The following DNAJC15 variants were observed in gnomAD, a reference collection of about 807,000 sequenced individuals.
DNAJC15 encodes the protein dnaJ homolog subfamily C member 15.
A neutral mutation model predicts 22.4 loss-of-function variants in DNAJC15; 27 were observed. That is an observed-to-expected ratio of 1.20 (90% CI 0.89 to 1.66). The LOEUF is 1.66. Among genes scored for constraint, DNAJC15 ranks in the 40% most tolerant of loss-of-function variants. The pLI is 0.00. For missense variants in DNAJC15, 208 were observed against 187.1 expected, an observed-to-expected ratio of 1.11 and a Z score of -0.65; for synonymous variants, 79 against 63.2, an observed-to-expected ratio of 1.25 and a Z score of -1.19.
At chr13:43,048,229 C>T (rs574774852) in intron 1 of DNAJC15, among the ~76,000 whole-genome samples, 25 of 151,922 alleles carry the variant, frequency 1.6e-4, no homozygotes, top group African/African-American at 5.8e-4. Context: ...CCTATTATCC[C>T]AGCACTTTGG....
intron 1 of DNAJC15, among the ~76,000 whole-genome samples, chr13:43,036,064 T>C (rs1341789786): frequency 6.6e-6 from 1 of 152,188 alleles, no homozygotes; most frequent in East Asian, 1.9e-4. Context: ...AAAAATTGGA[T>C]TCTAAAAGTC....
rs141204091 is a variant in DNAJC15, at chr13:43,032,225, G to C, written c.108+8491G>C. Among the ~76,000 whole-genome samples, 290 of 152,246 alleles carry C rather than the reference G, an allele frequency of 1.9e-3. 2 individuals are homozygous for C. Among genetic ancestry groups the C allele is most frequent in the African/African-American group, 6.7e-3 (279 of 41,532 alleles). On this transcript the variant is annotated intron_variant, in intron 1 of 5. Transcript: ENST00000379221. ...CATCCCATTGGTCTGACTCTACTGG[G>C]ACCAGCTGACACAAGAGCCTGTAGG...
intron 1 of DNAJC15, among the ~76,000 whole-genome samples, chr13:43,034,802 G>C (rs900197593): frequency 3.3e-5 from 5 of 152,024 alleles, no homozygotes; most frequent in African/African-American, 4.8e-5. Context: ...ACGTTGTGGG[G>C]GTTTTTTTGA....
chr13:43,087,037 T>C (rs887973859), intron 5 of DNAJC15, among the ~76,000 whole-genome samples: 7 of 152,230 alleles, frequency 4.6e-5, no homozygotes, highest in African/African-American at 1.7e-4. Flanking sequence ...AGTTTTATTA[T>C]TTGCAAAATG....
rs747458154 is a variant in DNAJC15 at position 43,112,512 on chromosome 13, A to G, written c.*5264A>G. On this transcript the variant is annotated 3_prime_UTR_variant, in exon 6 of 6. Transcript: ENST00000379221. ...ATGACAGGATAAAAATCACATAGAGATATTGGTTCAATATGGACATCTAAA... is the reference window on the plus strand; with the variant it reads ...ATGACAGGATAAAAATCACATAGAGGTATTGGTTCAATATGGACATCTAAA... 5 of 152,218 alleles carry G rather than the reference A, an allele frequency of 3.3e-5. No homozygotes were observed. Among genetic ancestry groups the G allele is most frequent in the Non-Finnish European group, 7.3e-5 (5 of 68,032 alleles). 9.4% of individuals were successfully genotyped at this position (152,218 alleles called of 1,614,324 possible).
chr13:43,089,238 ATTAT>A (rs1378251508), intron 5 of DNAJC15, among the ~76,000 whole-genome samples: 4 of 152,230 alleles, frequency 2.6e-5, no homozygotes, highest in Admixed American at 1.3e-4. Flanking sequence ...TTATTCAAAA[ATTAT>A]TTATTTAGCA....
intron 4 of DNAJC15, 152 bp downstream of exon 4, chr13:43,078,840 C>A: frequency 1.8e-6 from 1 of 545,214 alleles, no homozygotes; most frequent in Non-Finnish European, 3.0e-6. Context: ...AGCCTCAAAT[C>A]TAAAAGTATC....
Position 43,069,002 on chromosome 13 carries a change from C to G in DNAJC15, c.233C>G (p.Pro78Arg). The change falls in exon 3 of 6, where the codon CCT becomes CGT. Residue 78 changes from proline to arginine, a missense_variant and splice_region_variant. By Grantham distance (103) the Pro-to-Arg change is moderately radical. Coordinates refer to ENST00000379221, the MANE Select transcript of DNAJC15 (RefSeq NM_013238.3). Reference sequence around the variant, plus strand: ...GAAACTGCAAAGAAGATTTCAACTCCTGTAAGTTAAACGTGGCTTTAGTTA... The same window carrying G: ...GAAACTGCAAAGAAGATTTCAACTCGTGTAAGTTAAACGTGGCTTTAGTTA... ...ITETAKKIST[P>R]SFSSYYKGGF... 1.9e-6 allele frequency: 3 copies of G among 1,611,230 alleles called. No homozygotes were observed. Among genetic ancestry groups the G allele is most frequent in the Non-Finnish European group, 2.5e-6 (3 of 1,178,674 alleles).
At chr13:43,027,669 T>G (rs557652578) in intron 1 of DNAJC15, among the ~76,000 whole-genome samples, 30 of 152,176 alleles carry the variant, frequency 2.0e-4, no homozygotes, top group African/African-American at 7.2e-4. Flanking sequence ...TAACTTTTTT[T>G]TTTTTGAGAT....
rs1306529059 is a variant in DNAJC15 at position 43,113,002 on chromosome 13, T to G, written c.*5754T>G. On this transcript the variant is annotated 3_prime_UTR_variant, in exon 6 of 6. Coordinates refer to ENST00000379221, the MANE Select transcript of DNAJC15 (RefSeq NM_013238.3). ...TGGAAGCTTACGATGTCCATCCAAGTGCACATAGCAAAAGTTCTGTTGTAA... is the reference window on the plus strand; with the variant it reads ...TGGAAGCTTACGATGTCCATCCAAGGGCACATAGCAAAAGTTCTGTTGTAA... The G allele has an allele frequency of 6.6e-6, 1 of 152,230 alleles. No homozygotes were observed. The highest frequency in any genetic ancestry group is 1.5e-5 in the Non-Finnish European group (1 of 68,038). 9.4% of individuals were successfully genotyped at this position (152,230 alleles called of 1,614,324 possible).
chr13:43,071,441 G>C (rs2040608751), intron 3 of DNAJC15, among the ~76,000 whole-genome samples: 1 of 151,966 alleles, frequency 6.6e-6, no homozygotes, highest in Non-Finnish European at 1.5e-5. Flanking sequence ...AGAGTTTGCA[G>C]TAAAACATCT....
chr13:43,088,116 A>G (rs1264712894), intron 5 of DNAJC15, among the ~76,000 whole-genome samples: 2 of 152,216 alleles, frequency 1.3e-5, no homozygotes, highest in Non-Finnish European at 2.9e-5. Flanking sequence ...TGTCTAATGC[A>G]GTCTTAATCA....
At chr13:43,071,937 C>T (rs914331792) in intron 3 of DNAJC15, among the ~76,000 whole-genome samples, 1 of 151,994 alleles carries the variant, frequency 6.6e-6, no homozygotes, top group Middle Eastern at 3.4e-3. Context: ...CTTTGTTAAA[C>T]AGTTTGTTTC....
rs562601492 is a variant in DNAJC15 at position 43,113,102 on chromosome 13, C to T, written c.*5854C>T. The T allele has an allele frequency of 6.6e-6, 1 of 152,160 alleles. No individual in the cohort carries two copies. Among genetic ancestry groups the T allele is most frequent in the African/African-American group, 2.4e-5 (1 of 41,428 alleles). 9.4% of individuals were successfully genotyped at this position (152,160 alleles called of 1,614,324 possible). On this transcript the variant is annotated 3_prime_UTR_variant, in exon 6 of 6. Coordinates refer to ENST00000379221, the MANE Select transcript of DNAJC15 (RefSeq NM_013238.3). ...TTGATAAGATTTTATCTGAAATGTTCATGGACAAGAGCTTTCAAGGAGAAC... is the reference window on the plus strand; with the variant it reads ...TTGATAAGATTTTATCTGAAATGTTTATGGACAAGAGCTTTCAAGGAGAAC...
intron 1 of DNAJC15, among the ~76,000 whole-genome samples, chr13:43,053,585 T>C (rs2040515725): frequency 6.6e-6 from 1 of 152,324 alleles, no homozygotes; most frequent in African/African-American, 2.4e-5. Flanking sequence ...TTCAGCAGTC[T>C]TTTGTATGAT....
At chr13:43,076,189 A>G (rs1318487409) in intron 3 of DNAJC15, among the ~76,000 whole-genome samples, 1 of 152,206 alleles carries the variant, frequency 6.6e-6, no homozygotes, top group South Asian at 2.1e-4. Flanking sequence ...AGAGTATATT[A>G]TATTCTCACA....
intron 2 of DNAJC15, 46 bp from the exon 3 acceptor site, chr13:43,068,884 T>G (rs1403631217): frequency 6.5e-7 from 1 of 1,544,082 alleles, no homozygotes; most frequent in Non-Finnish European, 8.9e-7. Context: ...GTTGATTGAT[T>G]TTGATTATAG....
intron 1 of DNAJC15, among the ~76,000 whole-genome samples, chr13:43,029,228 A>G (rs1353791579): frequency 6.6e-6 from 1 of 152,222 alleles, no homozygotes; most frequent in Non-Finnish European, 1.5e-5. Flanking sequence ...TGCCAAATAA[A>G]TGTTTATATA....
rs201615831 is a variant in DNAJC15 at position 43,044,772 on chromosome 13, A to AG, written c.109-20914_109-20913insG. Reference sequence around the variant, plus strand: ...GACTCCATATCCAGTGTCTCAGCAAATCCTATTGGCCTTACCTCCGAACTC... The same window carrying AG: ...GACTCCATATCCAGTGTCTCAGCAAAGTCCTATTGGCCTTACCTCCGAACTC... On this transcript the variant is annotated intron_variant, in intron 1 of 5. Coordinates refer to ENST00000379221, the MANE Select transcript of DNAJC15 (RefSeq NM_013238.3). Among the ~76,000 whole-genome samples, 420 of 151,660 alleles carry AG rather than the reference A, an allele frequency of 2.8e-3. 2 individuals are homozygous for AG. Among genetic ancestry groups the AG allele is most frequent in the African/African-American group, 9.7e-3 (402 of 41,340 alleles).
Sources: gnomAD v4.1 joint callset for allele counts (sites outside exome capture counted in the v4.1 genomes callset) on GRCh38, gnomAD v4.1.1 for gene constraint, MANE v1.5 for transcripts, NCBI Gene and HGNC (gene_info 2026-07-23, HGNC 2026-07-21) for gene names.